Variants in GAS2 observed in about 807,000 individuals in gnomAD.
GAS2 encodes growth arrest specific 2, also known as growth arrest-specific protein 2.
Under a neutral mutation model 37.5 loss-of-function variants are expected in GAS2, and 20 were observed. The ratio of observed to expected loss-of-function variants is 0.53; its 90% confidence interval spans 0.37 to 0.77. The LOEUF is 0.77. GAS2 is among the 30% of genes least tolerant of loss of function. The pLI is 0.00. For synonymous variants in GAS2, 144 were observed against 132.2 expected, an observed-to-expected ratio of 1.09 and a Z score of -0.61; for missense variants, 336 against 373.4, an observed-to-expected ratio of 0.90 and a Z score of 0.82.
chr11:22,775,878 A>G (rs113511384), intron 7 of GAS2, among the ~76,000 whole-genome samples: 70 of 152,324 alleles, frequency 4.6e-4, no homozygotes, highest in African/African-American at 1.7e-3. Flanking sequence ...TGTAAAAAAT[A>G]TAGAGCTCTG....
At chr11:22,781,578 T>G (rs914151148) in intron 7 of GAS2, among the ~76,000 whole-genome samples, 1 of 152,128 alleles carries the variant, frequency 6.6e-6, no homozygotes, top group Non-Finnish European at 1.5e-5. Flanking sequence ...TTTCTTTCTA[T>G]AGGAAGAGAT....
chr11:22,698,609 A>T (rs1850666582), intron 3 of GAS2, among the ~76,000 whole-genome samples: 1 of 149,424 alleles, frequency 6.7e-6, no homozygotes, highest in African/African-American at 2.5e-5. Context: ...ATATTGATGC[A>T]AAAATCCTCA....
intron 3 of GAS2, among the ~76,000 whole-genome samples, chr11:22,713,644 A>C (rs1214141828): frequency 6.6e-6 from 1 of 152,226 alleles, no homozygotes. Flanking sequence ...AAAACCTATC[A>C]GATTAACAGG....
At chr11:22,650,525 G>A (rs1848760987) in intron 1 of GAS2, among the ~76,000 whole-genome samples, 1 of 149,854 alleles carries the variant, frequency 6.7e-6, no homozygotes, top group South Asian at 2.1e-4. Flanking sequence ...GGGTGTTAAA[G>A]TCTCCCATTA....
chr11:22,702,486 T>C (rs916266854), intron 3 of GAS2: 2 of 152,208 alleles, frequency 1.3e-5, no homozygotes, highest in African/African-American at 2.4e-5. Context: ...AATGACCATA[T>C]GCAAAGCATG....
chr11:22,738,990 C>A (rs1031442374), intron 5 of GAS2, among the ~76,000 whole-genome samples: 2 of 152,170 alleles, frequency 1.3e-5, no homozygotes, highest in Non-Finnish European at 2.9e-5. Context: ...CCACACTCTT[C>A]CCAGTTAATT....
intron 7 of GAS2, among the ~76,000 whole-genome samples, chr11:22,776,091 G>A (rs1326261668): frequency 6.6e-6 from 1 of 152,164 alleles, no homozygotes; most frequent in Non-Finnish European, 1.5e-5. Context: ...ACCTTGTATT[G>A]TGCCTGTTGA....
At chr11:22,683,737 G>A (rs1185163367) in intron 2 of GAS2, among the ~76,000 whole-genome samples, 1 of 151,070 alleles carries the variant, frequency 6.6e-6, no homozygotes, top group Middle Eastern at 3.4e-3. Context: ...AAGTTTTCTA[G>A]CAGCTTATTT....
intron 5 of GAS2, among the ~76,000 whole-genome samples, chr11:22,739,948 G>T (rs1484098609): frequency 6.6e-6 from 1 of 151,696 alleles, no homozygotes; most frequent in African/African-American, 2.4e-5. Context: ...CCTTATTTCT[G>T]GATTTTATTT....
At chr11:22,802,610 G>T (rs1408919565) in intron 7 of GAS2, among the ~76,000 whole-genome samples, 3 of 151,968 alleles carry the variant, frequency 2.0e-5, no homozygotes, top group Non-Finnish European at 4.4e-5. Context: ...TGTTAAAAAT[G>T]ATGACAGCCA....
intron 7 of GAS2, among the ~76,000 whole-genome samples, chr11:22,801,146 T>C (rs1354863499): frequency 6.6e-6 from 1 of 152,064 alleles, no homozygotes; most frequent in Admixed American, 6.6e-5. Flanking sequence ...CTTACCTCCA[T>C]ATAATGTGAT....
intron 2 of GAS2, 43 bp from the exon 3 acceptor site, chr11:22,685,625 A>T (rs2133943127): frequency 6.3e-7 from 1 of 1,594,164 alleles, no homozygotes; most frequent in Non-Finnish European, 8.6e-7. Flanking sequence ...TGTGAATCTG[A>T]CATTTGATTT....
At chr11:22,646,305 G>A (rs1590565212) in intron 1 of GAS2, among the ~76,000 whole-genome samples, 1 of 152,164 alleles carries the variant, frequency 6.6e-6, no homozygotes, top group African/African-American at 2.4e-5. Flanking sequence ...AAAAAAAGGA[G>A]GTTAATTTAA....
intron 1 of GAS2, chr11:22,626,844 G>A (rs1163514654): frequency 1.3e-5 from 2 of 152,230 alleles, no homozygotes; most frequent in African/African-American, 2.4e-5. Flanking sequence ...ATTAAAATAA[G>A]CATTCCTACA....
chr11:22,741,469 C>A (rs1199550800), intron 5 of GAS2, among the ~76,000 whole-genome samples: 1 of 151,450 alleles, frequency 6.6e-6, no homozygotes, highest in Non-Finnish European at 1.5e-5. Context: ...AAAAAAAAAA[C>A]TTTTGATATT....
chr11:22,659,017 G>A (rs1245473212), intron 1 of GAS2, among the ~76,000 whole-genome samples: 1 of 152,194 alleles, frequency 6.6e-6, no homozygotes, highest in African/African-American at 2.4e-5. Flanking sequence ...TGGAAATTAA[G>A]TATAGTTTTA....
chr11:22,647,844 T>C (rs1004821052), intron 1 of GAS2, among the ~76,000 whole-genome samples: 2 of 152,220 alleles, frequency 1.3e-5, no homozygotes, highest in Non-Finnish European at 2.9e-5. Flanking sequence ...GATGAGTAGG[T>C]TGCAAAAATT....
chr11:22,726,585 G>A lies in GAS2; in HGVS notation c.409+152G>A, dbSNP rs145260649. On this transcript the variant is annotated intron_variant, in intron 4 of 7. Transcript: ENST00000454584. Reference sequence around the variant, plus strand: ...TTTGTTGAAATCTTGCAGGTTTGCTGCTAACTTGATACTTTGAAAATAGAA... The same window carrying A: ...TTTGTTGAAATCTTGCAGGTTTGCTACTAACTTGATACTTTGAAAATAGAA... 8.3e-5 allele frequency: 55 copies of A among 660,042 alleles called. No individual in the cohort carries two copies. The African/African-American group carries it at 9.0e-4, about 11-fold the overall frequency. The allele number at this position is 660,042 out of a possible 1,614,324, so 40.9% of individuals were successfully genotyped here.
rs147923599 is a variant in GAS2 at position 22,773,577 on chromosome 11, T to C, written c.723+17624T>C. ...CCCGGCTAATATTTTGTATTTTTAG[T>C]AGAGACGGGGTTTCACCGTGTCACA... On this transcript the variant is annotated intron_variant, in intron 7 of 7. Transcript: ENST00000454584. Among the ~76,000 whole-genome samples, 605 of 151,990 alleles carry C rather than the reference T, an allele frequency of 4.0e-3. 4 individuals are homozygous for C. Among genetic ancestry groups the C allele is most frequent in the African/African-American group, 0.013 (545 of 41,450 alleles).
Sources: gnomAD v4.1 joint callset for allele counts (sites outside exome capture counted in the v4.1 genomes callset) on GRCh38, gnomAD v4.1.1 for gene constraint, MANE v1.5 for transcripts, NCBI Gene and HGNC (gene_info 2026-07-23, HGNC 2026-07-21) for gene names.